The following NPLOC4 variants were observed in gnomAD, a reference collection of about 807,000 sequenced individuals.
The protein encoded by NPLOC4 is NPL4 homolog, ubiquitin recognition factor.
Under a neutral mutation model 80.6 loss-of-function variants are expected in NPLOC4, and 18 were observed. The observed-to-expected ratio is 0.22, with a 90% confidence interval of 0.15 to 0.33. The LOEUF (loss-of-function observed/expected upper bound fraction) is 0.33. Ranked by LOEUF, NPLOC4 falls within the 10% of genes least tolerant of loss-of-function variation. The probability of loss-of-function intolerance (pLI) is 1.00; values close to 1 mark genes in which losing one functional copy is unlikely to be tolerated. For missense variants in NPLOC4, 540 were observed against 786.1 expected, an observed-to-expected ratio of 0.69 and a Z score of 3.74; for synonymous variants, 313 against 301.5, an observed-to-expected ratio of 1.04 and a Z score of -0.39.
At chr17:81,627,751 A>G (rs578174052) in intron 2 of NPLOC4, among the ~76,000 whole-genome samples, 1 of 151,332 alleles carries the variant, frequency 6.6e-6, no homozygotes, top group East Asian at 2.0e-4. Flanking sequence ...CTGGGCAACA[A>G]GAGCGAAACT....
At chr17:81,587,028 G>A (rs986366906) in intron 12 of NPLOC4, among the ~76,000 whole-genome samples, 9 of 152,196 alleles carry the variant, frequency 5.9e-5, no homozygotes, top group East Asian at 5.8e-4. Flanking sequence ...CACTCAGCAC[G>A]CCAGTAACAA....
intron 2 of NPLOC4, among the ~76,000 whole-genome samples, chr17:81,628,884 C>CTT (rs34905643): frequency 0.25 from 35,699 of 145,190 alleles, 5,239 homozygotes; most frequent in African/African-American, 0.39. Flanking sequence ...ACAATTCATA[C>CTT]TTTTTTTTTT....
intron 12 of NPLOC4, among the ~76,000 whole-genome samples, chr17:81,574,611 T>C (rs1598624844): frequency 6.6e-6 from 1 of 151,878 alleles, no homozygotes; most frequent in Admixed American, 6.6e-5. Flanking sequence ...AGGTCGGAGG[T>C]TGTGGCCCCA....
intron 12 of NPLOC4, among the ~76,000 whole-genome samples, chr17:81,574,760 T>A (rs767703662): frequency 2.0e-5 from 3 of 152,086 alleles, no homozygotes; most frequent in Non-Finnish European, 4.4e-5. Context: ...ATGCCTGTAA[T>A]CCCAGCGCTT....
intron 3 of NPLOC4, among the ~76,000 whole-genome samples, chr17:81,618,470 C>T (rs1453109851): frequency 1.1e-4 from 16 of 142,782 alleles, no homozygotes; most frequent in African/African-American, 1.1e-4. Flanking sequence ...GCAGCCACCC[C>T]GTCCGGGAGG....
chr17:81,623,718 A>C (rs2035727065), intron 2 of NPLOC4, among the ~76,000 whole-genome samples: 1 of 150,092 alleles, frequency 6.7e-6, no homozygotes, highest in African/African-American at 2.5e-5. Flanking sequence ...GAGTGGCGTG[A>C]ACCCGGGAGG....
At chr17:81,588,758 C>T (rs898886014) in intron 12 of NPLOC4, among the ~76,000 whole-genome samples, 186 bp downstream of exon 12, 24 of 152,178 alleles carry the variant, frequency 1.6e-4, no homozygotes, top group African/African-American at 4.8e-4. Context: ...AGAAGCCCTA[C>T]GCCATGGAAG....
At chr17:81,636,734 G>C (rs376447528) in intron 1 of NPLOC4, among the ~76,000 whole-genome samples, 182 bp downstream of exon 1, 1 of 152,092 alleles carries the variant, frequency 6.6e-6, no homozygotes, top group Admixed American at 6.5e-5. Flanking sequence ...ACACGGACGG[G>C]AAGCAGCCGA....
intron 16 of NPLOC4, 30 bp from the exon 17 acceptor site, chr17:81,559,446 T>C (rs1398630370): frequency 3.5e-5 from 56 of 1,588,184 alleles, no homozygotes; most frequent in Non-Finnish European, 4.5e-5. Context: ...TGAGCACTCA[T>C]CATTTCTGGC....
In NPLOC4 at chr17:81,622,215, C is replaced by T. The variant is rs1396337690; in HGVS notation, c.160G>A (p.Gly54Arg). ...FSVYINRNKT[G>R]EITASSNKSL... ...TTGTTGGAGGAGGCTGTTATCTCTC[C>T]GGTCTTGTTTCTATTGATGTAAACC... Residue 54 changes from glycine to arginine, a missense_variant, in exon 3 of 17, where the codon GGA becomes AGA. Gly to Arg is a moderately radical substitution (Grantham distance 125). Around this residue, in one of 6 missense-constraint regions of NPLOC4, gnomAD observed 62 missense variants for 84.4 expected, o/e 0.73. Transcript: ENST00000331134. 3.1e-6 allele frequency: 5 copies of T among 1,613,724 alleles called. No individual in the cohort carries two copies. The highest frequency in any genetic ancestry group is 4.2e-6 in the Non-Finnish European group (5 of 1,179,818).
At chr17:81,588,873 A>C (rs1432396268) in intron 12 of NPLOC4, 71 bp downstream of exon 12, 1 of 1,405,526 alleles carries the variant, frequency 7.1e-7, no homozygotes, top group African/African-American at 1.4e-5. Flanking sequence ...AATGCACCCA[A>C]ATTAGAAAGG....
chr17:81,595,203 A>G (rs2034866741), intron 11 of NPLOC4, among the ~76,000 whole-genome samples: 2 of 151,964 alleles, frequency 1.3e-5, no homozygotes, highest in African/African-American at 4.8e-5. Flanking sequence ...TTGAGAGGCC[A>G]ATGAGGGTGA....
intron 16 of NPLOC4, chr17:81,563,198 C>T (rs2033902924): frequency 6.6e-6 from 1 of 152,010 alleles, no homozygotes; most frequent in Admixed American, 6.6e-5. Flanking sequence ...CCTCAGCCTC[C>T]TGAGTAGCTG....
Position 81,580,456 on chromosome 17 carries a change from C to A in NPLOC4, c.1282-8368G>T, listed in dbSNP as rs902317619. Among the ~76,000 whole-genome samples, 1 of 152,208 alleles carries A rather than the reference C, an allele frequency of 6.6e-6. No individual in the cohort carries two copies. The highest frequency in any genetic ancestry group is 1.5e-5 in the Non-Finnish European group (1 of 68,036). ...CCGGCACAGCCATCTCCCTTCAGCA[C>A]CTTTCAGAAGCCCTCATCTCACTTC... On this transcript the variant is annotated intron_variant, in intron 12 of 16. Coordinates refer to ENST00000331134, the MANE Select transcript of NPLOC4 (RefSeq NM_017921.4). This position sits in a 1 kb window ranked among gnomAD's most constrained non-coding sequence, Gnocchi z 4.4.
rs953503428 is a variant in NPLOC4, at chr17:81,619,649, C to T, written c.209+2517G>A. ...ATGCCAACACTTTGGGAGGCTGAGG[C>T]GGGTGAATCACTTGAGGTCAAGAGA... On this transcript the variant is annotated intron_variant, in intron 3 of 16. Coordinates refer to ENST00000331134, the MANE Select transcript of NPLOC4 (RefSeq NM_017921.4). Among the ~76,000 whole-genome samples the T allele has an allele frequency of 7.2e-5, 11 of 151,732 alleles. 1 individual carries two copies. In the South Asian group the frequency reaches 8.3e-4, roughly 11 times the overall value.
chr17:81,581,375 A>AAAATC (rs1555680405), intron 12 of NPLOC4, among the ~76,000 whole-genome samples: 5 of 72,806 alleles, frequency 6.9e-5, no homozygotes, highest in Admixed American at 1.7e-4. Flanking sequence ...AAAAAAAAAA[A>AAAATC]AGTTAATAAA....
intron 3 of NPLOC4, among the ~76,000 whole-genome samples, chr17:81,617,268 TTACG>T (rs1381035453): frequency 2.0e-5 from 3 of 152,124 alleles, no homozygotes; most frequent in African/African-American, 7.2e-5. Flanking sequence ...AAAAATCAGA[TTACG>T]TATTTATTTA....
At chr17:81,633,356 C>T (rs898489283) in intron 1 of NPLOC4, among the ~76,000 whole-genome samples, 13 of 152,162 alleles carry the variant, frequency 8.5e-5, no homozygotes, top group African/African-American at 3.1e-4. Flanking sequence ...AACGATGACT[C>T]TGGAACAAGA....
chr17:81,611,523 T>C (rs1244742616), intron 4 of NPLOC4, among the ~76,000 whole-genome samples: 1 of 151,394 alleles, frequency 6.6e-6, no homozygotes, highest in Non-Finnish European at 1.5e-5. Context: ...CTAATTTTTG[T>C]ATTTTTAGTA....
Sources: gnomAD v4.1 joint callset for allele counts (sites outside exome capture counted in the v4.1 genomes callset) on GRCh38, gnomAD v4.1.1 for gene constraint, gnomAD v4.1.1 regional missense constraint, Gnocchi (gnomAD v3.1) non-coding constraint, MANE v1.5 for transcripts, NCBI Gene and HGNC (gene_info 2026-07-23, HGNC 2026-07-21) for gene names.